The following CCDC126 variants were observed in gnomAD, a reference collection of about 807,000 sequenced individuals.
CCDC126 encodes coiled-coil domain containing 126.
CCDC126 carries 5 observed loss-of-function variants against 11.7 expected under a neutral mutation model. That is an observed-to-expected ratio of 0.43 (90% confidence interval 0.22 to 0.90). The LOEUF (loss-of-function observed/expected upper bound fraction) is 0.90, where lower values mean the gene tolerates loss of function less well. Ranked by LOEUF, CCDC126 falls within the 40% of genes least tolerant of loss-of-function variation. CCDC126 has a pLI of 0.27. For missense variants in CCDC126, 150 were observed against 163.1 expected, an observed-to-expected ratio of 0.92 and a Z score of 0.44; for synonymous variants, 60 against 61.9, an observed-to-expected ratio of 0.97 and a Z score of 0.14.
intron 3 of CCDC126, among the ~76,000 whole-genome samples, chr7:23,622,063 C>G (rs975976655): frequency 2.0e-5 from 3 of 152,118 alleles, no homozygotes; most frequent in African/African-American, 7.2e-5. Context: ...GTGTCTCTGC[C>G]AGGCTTTGGT....
rs1212161937 is a variant in CCDC126, at chr7:23,644,502, A to AAAT, written c.*1389_*1391dup. 2.6e-5 allele frequency: 4 copies of AAAT among 152,674 alleles called. No homozygotes were observed. The highest frequency in any genetic ancestry group is 7.2e-5 in the African/African-American group (3 of 41,590). 9.5% of individuals were successfully genotyped at this position (152,674 alleles called of 1,614,324 possible). ...AATAATTACAATATTTTATTAAAAT[A>AAAT]AATATGTGAAATATTGTTTCATGAA... is the stretch of plus-strand genomic sequence containing the variant. On this transcript the variant is annotated 3_prime_UTR_variant, in exon 4 of 4. Transcript: ENST00000307471.
In CCDC126 at chr7:23,598,026, T is replaced by C. The variant is rs1782459136; in HGVS notation, c.-171T>C. The C allele has an allele frequency of 6.6e-6, 1 of 152,308 alleles. No individual in the cohort carries two copies. 9.4% of individuals were successfully genotyped at this position (152,308 alleles called of 1,614,324 possible). A position where few individuals can be genotyped will look rare whatever the true frequency, so the allele number is the denominator to read the frequency against. On this transcript the variant is annotated 5_prime_UTR_variant, in exon 2 of 4. Coordinates refer to ENST00000307471, the MANE Select transcript of CCDC126 (RefSeq NM_138771.4). ...TCAGATGCCCCTTTTAAACTCCCTC[T>C]TCAAAACTCATCTCCTGGGTGACTG...
rs115650641 is a variant in CCDC126, at chr7:23,624,549, T to C, written c.238+12996T>C. Among the ~76,000 whole-genome samples the C allele has an allele frequency of 3.1e-3, 469 of 152,356 alleles. 5 individuals are homozygous for C. The highest frequency in any genetic ancestry group is 0.011 in the African/African-American group (456 of 41,588). ...GGCTATATATTTTCTTAAAGGGCTATGTCATAACTATTTTCAGTTTTGTGG... is the reference window on the plus strand; with the variant it reads ...GGCTATATATTTTCTTAAAGGGCTACGTCATAACTATTTTCAGTTTTGTGG... On this transcript the variant is annotated intron_variant, in intron 3 of 3. Transcript: ENST00000307471.
chr7:23,599,826 T>A (rs575048716), intron 2 of CCDC126, among the ~76,000 whole-genome samples: 26 of 152,272 alleles, frequency 1.7e-4, no homozygotes, highest in African/African-American at 6.0e-4. Flanking sequence ...GCTCTTTCAC[T>A]CAGCTTGGAG....
intron 2 of CCDC126, among the ~76,000 whole-genome samples, chr7:23,600,374 A>ACCG (rs1782516990): frequency 7.4e-5 from 6 of 80,548 alleles, no homozygotes; most frequent in African/African-American, 2.8e-4. Context: ...TTCTGTGTTA[A>ACCG]CCCCCCCCCC....
intron 3 of CCDC126, among the ~76,000 whole-genome samples, chr7:23,617,872 AACCC>A (rs1457006928): frequency 2.4e-4 from 37 of 152,324 alleles, no homozygotes; most frequent in African/African-American, 8.7e-4. Context: ...GTGGATGCAG[AACCC>A]ACAGATACAG....
intron 2 of CCDC126, among the ~76,000 whole-genome samples, chr7:23,605,399 TTGTG>T (rs3219575): frequency 0.018 from 2,682 of 148,904 alleles, 37 homozygotes; most frequent in East Asian, 0.032. Context: ...TGTGATATGC[TTGTG>T]TGTGTGTGTG....
intron 3 of CCDC126, among the ~76,000 whole-genome samples, chr7:23,631,691 G>A (rs570101706): frequency 7.2e-5 from 11 of 152,068 alleles, no homozygotes; most frequent in Non-Finnish European, 1.3e-4. Flanking sequence ...AACCCTAGAG[G>A]CAGAGGTTGC....
intron 3 of CCDC126, among the ~76,000 whole-genome samples, chr7:23,638,316 C>T (rs1314692776): frequency 6.9e-6 from 1 of 144,282 alleles, no homozygotes; most frequent in South Asian, 2.3e-4. Context: ...GGATGGTTGC[C>T]GGGTCTGTGT....
chr7:23,630,273 C>G (rs1783087172), intron 3 of CCDC126, among the ~76,000 whole-genome samples: 1 of 151,580 alleles, frequency 6.6e-6, no homozygotes, highest in Non-Finnish European at 1.5e-5. Context: ...CCAAGGCAGG[C>G]AGATCATTTG....
chr7:23,625,404 A>C (rs1205260661), intron 3 of CCDC126, among the ~76,000 whole-genome samples: 1 of 152,192 alleles, frequency 6.6e-6, no homozygotes, highest in Non-Finnish European at 1.5e-5. Context: ...ACCAATTTAC[A>C]TTCTTACTAT....
At chr7:23,601,437 T>C (rs949952124) in intron 2 of CCDC126, among the ~76,000 whole-genome samples, 1 of 152,206 alleles carries the variant, frequency 6.6e-6, no homozygotes, top group African/African-American at 2.4e-5. Context: ...AAAAATAAAC[T>C]GGAAATTTAA....
rs139664825 is a variant in CCDC126 at position 23,604,947 on chromosome 7, G to A, written c.-145-6224G>A. On this transcript the variant is annotated intron_variant, in intron 2 of 3. Transcript: ENST00000307471. ...CAGGAGGTGGAGCTTGCAGTGAGCC[G>A]AGATTGAGCCACTGCACTCCAGCCT... Among the ~76,000 whole-genome samples, 819 of 150,028 alleles carry A rather than the reference G, an allele frequency of 5.5e-3. 9 individuals are homozygous for A. The highest frequency in any genetic ancestry group is 0.02 in the African/African-American group (797 of 40,680).
At position 23,642,940 on chromosome 7, in the gene CCDC126, A is replaced by G; in HGVS notation, c.248A>G (p.Lys83Arg). Residue 83 changes from lysine to arginine, a missense_variant, in exon 4 of 4, where the codon AAA becomes AGA. Physicochemically the swap from Lys to Arg is conservative, Grantham distance 26. Transcript: ENST00000307471. ...GASMAGYADL[K>R]RTIAVLLDDI... is the part of the protein sequence containing the mutation. ...TGATTTATTCCCCTAGCGGATCTGA[A>G]AAGAACAATTGCTGTCCTTCTGGAT... 6.2e-7 allele frequency: 1 copy of G among 1,613,652 alleles called. No individual in the cohort carries two copies. The highest frequency in any genetic ancestry group is 2.2e-5 in the East Asian group (1 of 44,874).
chr7:23,627,329 A>G (rs1273796058), intron 3 of CCDC126, among the ~76,000 whole-genome samples: 2 of 151,996 alleles, frequency 1.3e-5, no homozygotes, highest in Admixed American at 6.6e-5. Flanking sequence ...AACTTGGGCA[A>G]CATAGTGAGA....
chr7:23,621,418 C>T (rs1307789887), intron 3 of CCDC126, among the ~76,000 whole-genome samples: 1 of 152,160 alleles, frequency 6.6e-6, no homozygotes, highest in African/African-American at 2.4e-5. Flanking sequence ...GTGATTTTTG[C>T]ACATTGATAT....
intron 3 of CCDC126, among the ~76,000 whole-genome samples, chr7:23,628,276 G>A (rs1783048096): frequency 6.6e-6 from 1 of 152,172 alleles, no homozygotes; most frequent in Non-Finnish European, 1.5e-5. Flanking sequence ...GAAAAAGTCA[G>A]ACAGTCTAGG....
At chr7:23,621,850 T>G (rs965876590) in intron 3 of CCDC126, among the ~76,000 whole-genome samples, 2 of 152,248 alleles carry the variant, frequency 1.3e-5, no homozygotes, top group African/African-American at 4.8e-5. Flanking sequence ...ATGTGGTTTT[T>G]GTCTTTGGTT....
At position 23,615,430 on chromosome 7, in the gene CCDC126, A is replaced by G. The variant is rs559454684; in HGVS notation, c.238+3877A>G. ...AGACCACTCAAACTTTCTTCATTTCAGCAGTAAAGCTGTTTTTCTTTCTTA... is the reference window on the plus strand; with the variant it reads ...AGACCACTCAAACTTTCTTCATTTCGGCAGTAAAGCTGTTTTTCTTTCTTA... On this transcript the variant is annotated intron_variant, in intron 3 of 3. Transcript: ENST00000307471. Among the ~76,000 whole-genome samples the G allele has an allele frequency of 3.3e-5, 5 of 152,326 alleles. No homozygotes were observed. In the South Asian group the frequency reaches 1.0e-3, roughly 32 times the overall value.
Sources: gnomAD v4.1 joint callset for allele counts (sites outside exome capture counted in the v4.1 genomes callset) on GRCh38, gnomAD v4.1.1 for gene constraint, MANE v1.5 for transcripts, NCBI Gene and HGNC (gene_info 2026-07-23, HGNC 2026-07-21) for gene names.